Variants in XKR9 observed in about 807,000 individuals in gnomAD.
XKR9 encodes the protein XK-related protein 9.
XKR9 carries 32 observed loss-of-function variants against 32.0 expected under a neutral mutation model. The ratio of observed to expected loss-of-function variants is 1.00; its 90% CI spans 0.76 to 1.34. XKR9 has a LOEUF of 1.34. Ranked by LOEUF, XKR9 falls within the 40% of genes most tolerant of loss-of-function variation. XKR9 has a pLI of 0.00. For synonymous variants in XKR9, 168 were observed against 143.4 expected, an observed-to-expected ratio of 1.17 and a Z score of -1.22; for missense variants, 546 against 429.7, an observed-to-expected ratio of 1.27 and a Z score of -2.39.
the XKR9 span, among the ~76,000 whole-genome samples, chr8:70,820,700 G>A: frequency 6.6e-6 from 1 of 152,176 alleles, no homozygotes; most frequent in Non-Finnish European, 1.5e-5. Context: ...TTCTTCACAA[G>A]GTGGCAGGAA....
At chr8:70,771,635 T>A (rs1034853122) in intron 2 of XKR9, among the ~76,000 whole-genome samples, 4 of 152,200 alleles carry the variant, frequency 2.6e-5, no homozygotes, top group Non-Finnish European at 5.9e-5. Flanking sequence ...CATTCTAGCT[T>A]GCATATGACA....
the XKR9 span, among the ~76,000 whole-genome samples, chr8:70,811,134 A>G: frequency 1.3e-5 from 2 of 152,166 alleles, no homozygotes; most frequent in Admixed American, 6.5e-5. Flanking sequence ...GGATTAAGAA[A>G]CTCACTCAAA....
chr8:70,957,759 C>T, the XKR9 span, among the ~76,000 whole-genome samples: 1 of 149,416 alleles, frequency 6.7e-6, no homozygotes, highest in Non-Finnish European at 1.5e-5. Flanking sequence ...TGCGTATGTA[C>T]CACATTTTAT....
At chr8:71,021,793 GC>G in the XKR9 span, among the ~76,000 whole-genome samples, 3 of 152,142 alleles carry the variant, frequency 2.0e-5, no homozygotes, top group Non-Finnish European at 4.4e-5. Flanking sequence ...GAGCCACCGC[GC>G]CCGGCCTGTT....
the XKR9 span, among the ~76,000 whole-genome samples, chr8:70,835,587 G>A: frequency 6.6e-6 from 1 of 151,924 alleles, no homozygotes; most frequent in African/African-American, 2.4e-5. Flanking sequence ...CCTTTTTTTG[G>A]AGTAAGGATC....
At chr8:70,879,023 A>G in the XKR9 span, among the ~76,000 whole-genome samples, 12 of 152,220 alleles carry the variant, frequency 7.9e-5, no homozygotes, top group South Asian at 6.2e-4. Flanking sequence ...GCATAACTAC[A>G]TGGAAACTGA....
the XKR9 span, among the ~76,000 whole-genome samples, chr8:70,949,462 TATTAAATCTTAATATAA>T: frequency 2.6e-5 from 4 of 151,958 alleles, no homozygotes; most frequent in Admixed American, 2.0e-4. Flanking sequence ...TTAAGATTTA[TATTAAATCTTAATATAA>T]ATTAAATCTT....
At chr8:70,908,622 A>T in the XKR9 span, among the ~76,000 whole-genome samples, 1 of 152,206 alleles carries the variant, frequency 6.6e-6, no homozygotes, top group East Asian at 1.9e-4. Flanking sequence ...GTTACTATTC[A>T]ATTATTCCAC....
chr8:70,696,515 G>A (rs1805282665), intron 3 of XKR9, among the ~76,000 whole-genome samples: 1 of 149,624 alleles, frequency 6.7e-6, no homozygotes, highest in South Asian at 2.2e-4. Flanking sequence ...TTATTTCTGA[G>A]GGCTCTGTTC....
chr8:71,040,641 G>A, the XKR9 span, among the ~76,000 whole-genome samples: 1 of 151,862 alleles, frequency 6.6e-6, no homozygotes, highest in East Asian at 1.9e-4. Context: ...AGTGTGTTCT[G>A]TTTCATCATT....
the XKR9 span, among the ~76,000 whole-genome samples, chr8:70,918,767 C>CTTTTT: frequency 2.3e-5 from 2 of 87,810 alleles, no homozygotes; most frequent in Admixed American, 2.2e-4. Flanking sequence ...ATCATGGGAT[C>CTTTTT]CTTTTTTTTT....
intron 1 of XKR9, among the ~76,000 whole-genome samples, chr8:70,673,555 C>T (rs772145286): frequency 3.3e-5 from 5 of 152,130 alleles, no homozygotes; most frequent in Non-Finnish European, 7.4e-5. Flanking sequence ...GTAATCCCAG[C>T]ACTTTGGGAG....
the XKR9 span, among the ~76,000 whole-genome samples, chr8:71,016,958 G>A: frequency 2.6e-5 from 4 of 152,024 alleles, no homozygotes; most frequent in Non-Finnish European, 5.9e-5. Flanking sequence ...GAAAAAGTAC[G>A]TATTTGTTGA....
At chr8:71,010,169 A>G in the XKR9 span, among the ~76,000 whole-genome samples, 5 of 152,158 alleles carry the variant, frequency 3.3e-5, no homozygotes, top group Non-Finnish European at 7.3e-5. Context: ...GTAGGTGAAA[A>G]CATTCCTATT....
the XKR9 span, among the ~76,000 whole-genome samples, chr8:70,844,647 TG>T: frequency 2.0e-5 from 3 of 152,204 alleles, no homozygotes; most frequent in Non-Finnish European, 4.4e-5. Context: ...ACACACTACC[TG>T]GGGTCTTGGG....
At chr8:70,918,664 G>A in the XKR9 span, among the ~76,000 whole-genome samples, 2 of 151,086 alleles carry the variant, frequency 1.3e-5, no homozygotes, top group African/African-American at 2.4e-5. Flanking sequence ...CTGCACTCCA[G>A]CCTGGGTGAC....
At chr8:71,025,392 C>A in the XKR9 span, among the ~76,000 whole-genome samples, 2 of 152,224 alleles carry the variant, frequency 1.3e-5, no homozygotes, top group African/African-American at 2.4e-5. Context: ...GAATTTTCAG[C>A]CTTTCAATTC....
At chr8:71,014,970 G>C in the XKR9 span, among the ~76,000 whole-genome samples, 1 of 152,156 alleles carries the variant, frequency 6.6e-6, no homozygotes, top group African/African-American at 2.4e-5. Context: ...TGACATAGAA[G>C]CTGATCATTT....
chr8:70,807,568 T>C, the XKR9 span, among the ~76,000 whole-genome samples: 1 of 148,150 alleles, frequency 6.7e-6, no homozygotes, highest in African/African-American at 2.7e-5. Context: ...GATGGAGGAA[T>C]ATTTACCAAG....
Sources: gnomAD v4.1 joint callset for allele counts (sites outside exome capture counted in the v4.1 genomes callset) on GRCh38, gnomAD v4.1.1 for gene constraint, MANE v1.5 for transcripts, NCBI Gene and HGNC (gene_info 2026-07-23, HGNC 2026-07-21) for gene names.